RAB37: variants seen among roughly 807,000 people sequenced by gnomAD.
RAB37 encodes the protein RAB37, member RAS oncogene family, also known as ras-related protein Rab-37.
RAB37 carries 29 observed loss-of-function variants against 33.1 expected under a neutral mutation model. The ratio of observed to expected loss-of-function variants is 0.88; its 90% confidence interval spans 0.65 to 1.20. The LOEUF is 1.20. Ranked by LOEUF, RAB37 falls within the 50% of genes most tolerant of loss-of-function variation. The probability of loss-of-function intolerance (pLI) is 0.00; values close to 1 mark genes in which losing one functional copy is unlikely to be tolerated. For missense variants in RAB37, 299 were observed against 301.1 expected (o/e 0.99, Z 0.05); for synonymous variants, 128 against 119.5 (o/e 1.07, Z -0.47).
chr17:74,712,947 TACTC>T (rs1395558932), intron 1 of RAB37: 4 of 1,402,062 alleles, frequency 2.9e-6, no homozygotes, highest in Non-Finnish European at 4.0e-6. Flanking sequence ...CTTCTGCTGG[TACTC>T]ACTCTCGCCC....
At chr17:74,734,301 T>G (rs752634124), upstream of RAB37, among the ~76,000 whole-genome samples, 14 of 152,226 alleles carry the variant, frequency 9.2e-5, no homozygotes, top group Non-Finnish European at 1.8e-4. Flanking sequence ...CTCTTTCTTC[T>G]TATGACACCG....
chr17:74,737,252 G>T (rs1353837502), upstream of RAB37: 2 of 1,550,852 alleles, frequency 1.3e-6, no homozygotes, highest in Non-Finnish European at 8.7e-7. Flanking sequence ...GGCCGGCACT[G>T]CTCACCTCTC....
rs1177816160 is a variant in RAB37 at position 74,729,008 on chromosome 17, CTGTG to C, written c.73-244_73-241del. 4.6e-5 allele frequency among the ~76,000 whole-genome samples: 7 copies of C among 150,606 alleles called. No individual in the cohort carries two copies. In the East Asian group the frequency reaches 1.2e-3, roughly 26 times the overall value. On this transcript the variant is annotated intron_variant, in intron 1 of 7. Transcript: ENST00000340415. The surrounding 1 kb of genome is among the most constrained non-coding windows in gnomAD (Gnocchi z 4.2). ...TGTGTGTGCTTCTGTGTGTATGTTT[CTGTG>C]TGTATGTGTGTTCTGTGTGTGCATA...
At chr17:74,699,138 C>A (rs1170298786) in intron 1 of RAB37, among the ~76,000 whole-genome samples, 1 of 152,108 alleles carries the variant, frequency 6.6e-6, no homozygotes, top group Non-Finnish European at 1.5e-5. Flanking sequence ...AGGCTGGTCT[C>A]GAACTCCTAA....
chr17:74,712,928 A>G, intron 1 of RAB37: 1 of 1,540,022 alleles, frequency 6.5e-7, no homozygotes, highest in Middle Eastern at 1.7e-4. Context: ...CAAACTACAG[A>G]CTCCCAGCCT....
chr17:74,743,198 G>A lies in RAB37; in HGVS notation c.313+3G>A, dbSNP rs2144084497. The A allele has an allele frequency of 5.0e-6, 8 of 1,613,888 alleles. No individual in the cohort carries two copies. Among genetic ancestry groups the A allele is most frequent in the South Asian group, 1.1e-5 (1 of 91,070 alleles). ...TGCTTATTACAGAGATGCTCAGGGTGAGTCCCTCGCACCCTCCAACCCCTA... is the reference window on the plus strand; with the variant it reads ...TGCTTATTACAGAGATGCTCAGGGTAAGTCCCTCGCACCCTCCAACCCCTA... On this transcript the variant is annotated splice_donor_region_variant and intron_variant, in intron 4 of 8. Coordinates refer to ENST00000392613, the MANE Select transcript of RAB37 (RefSeq NM_001006638.3).
chr17:74,682,849 A>G (rs2031982073), intron 1 of RAB37, among the ~76,000 whole-genome samples: 1 of 152,186 alleles, frequency 6.6e-6, no homozygotes. Context: ...GGTTGCGGTG[A>G]GCCGAGATTG....
At position 74,745,328 on chromosome 17, in the gene RAB37, C is replaced by T. The variant is rs781678010; in HGVS notation, c.589C>T (p.His197Tyr). The change falls in exon 9 of 9, where the codon CAT becomes TAT. Residue 197 changes from histidine to tyrosine, a missense_variant. Transcript: ENST00000392613. This position sits in a 1 kb window ranked among gnomAD's most constrained non-coding sequence, Gnocchi z 4.5. ...IAKELKYRAGHQADEPSFQIR... is the reference protein window; with the variant it reads ...IAKELKYRAGYQADEPSFQIR... ...AAGGGAACTGAAATACCGGGCCGGG[C>T]ATCAGGCGGATGAGCCCAGCTTCCA... 22 of 1,613,994 alleles carry T rather than the reference C, an allele frequency of 1.4e-5. No homozygotes were observed. The South Asian group carries it at 2.1e-4, about 15-fold the overall frequency.
chr17:74,705,718 C>T (rs2033451399), intron 1 of RAB37, among the ~76,000 whole-genome samples: 1 of 152,118 alleles, frequency 6.6e-6, no homozygotes, highest in African/African-American at 2.4e-5. Context: ...CTTCAGCCTC[C>T]CAAGTAGCTG....
intron 1 of RAB37, chr17:74,695,737 T>C (rs2032392899): frequency 6.2e-7 from 1 of 1,614,060 alleles, no homozygotes; most frequent in Non-Finnish European, 8.5e-7. Flanking sequence ...TGGTGACATA[T>C]TCCACTTCCA....
chr17:74,679,252 G>A (rs1170198218), intron 1 of RAB37, among the ~76,000 whole-genome samples: 1 of 152,098 alleles, frequency 6.6e-6, no homozygotes, highest in African/African-American at 2.4e-5. Flanking sequence ...GTACCCCTAG[G>A]GGAGAGTCAG....
chr17:74,709,467 T>C (rs540036975), intron 1 of RAB37, among the ~76,000 whole-genome samples: 47 of 152,342 alleles, frequency 3.1e-4, no homozygotes, highest in Admixed American at 1.2e-3. Flanking sequence ...TATAATAATT[T>C]GTTAACATGG....
chr17:74,695,119 A>G (rs377246276), intron 1 of RAB37: 3 of 1,614,090 alleles, frequency 1.9e-6, no homozygotes, highest in South Asian at 1.1e-5. Context: ...ATGGTGCTGT[A>G]TTCCGTGGGC....
intron 1 of RAB37, among the ~76,000 whole-genome samples, chr17:74,702,112 G>C (rs1015149588): frequency 6.6e-6 from 1 of 152,080 alleles, no homozygotes. Context: ...CAGGTGGTTA[G>C]AATACCGGGG....
upstream of RAB37, chr17:74,737,168 G>C (rs565917635): frequency 7.7e-6 from 12 of 1,556,614 alleles, no homozygotes; most frequent in Admixed American, 5.6e-5. Context: ...AGGAGCCTGA[G>C]GGGTCCCGGT....
intron 1 of RAB37, chr17:74,696,337 A>T: frequency 9.6e-7 from 1 of 1,041,204 alleles, no homozygotes; most frequent in Non-Finnish European, 1.4e-6. Context: ...GCTCAGAGAC[A>T]GGGACCTGGT....
At chr17:74,684,675 A>G (rs1436882451) in intron 1 of RAB37, among the ~76,000 whole-genome samples, 2 of 152,070 alleles carry the variant, frequency 1.3e-5, no homozygotes, top group Non-Finnish European at 2.9e-5. Flanking sequence ...CTGTAACCCC[A>G]ACTACTCAGG....
At chr17:74,737,178 T>C (rs1264140704), upstream of RAB37, 11 of 1,290,374 alleles carry the variant, frequency 8.5e-6, no homozygotes, top group Non-Finnish European at 1.1e-5. Flanking sequence ...GGGGTCCCGG[T>C]CGAGGGAGGG....
intron 1 of RAB37, chr17:74,705,091 C>A: frequency 1.5e-6 from 1 of 654,746 alleles, no homozygotes; most frequent in South Asian, 1.6e-5. Flanking sequence ...TCTCTCCACC[C>A]TACGGCCAAG....
Sources: allele counts gnomAD v4.1 joint callset (sites outside exome capture counted in the v4.1 genomes callset), GRCh38; gene constraint gnomAD v4.1.1; non-coding constraint Gnocchi (gnomAD v3.1); transcripts MANE v1.5; gene names NCBI Gene and HGNC (gene_info 2026-07-23, HGNC 2026-07-21).